The following RAB27B variants were observed in gnomAD, a reference collection of about 807,000 sequenced individuals.
RAB27B encodes the protein RAB27B, member RAS oncogene family, also known as ras-related protein Rab-27B.
Under a neutral mutation model 24.6 loss-of-function variants are expected in RAB27B, and 15 were observed. That is an observed-to-expected ratio of 0.61 (90% confidence interval 0.41 to 0.94). The LOEUF is 0.94. RAB27B is among the 40% of genes least tolerant of loss of function. The pLI, the probability that RAB27B is intolerant of heterozygous loss-of-function variation, is 0.00. For synonymous variants in RAB27B, 105 were observed against 92.5 expected (o/e 1.14, Z -0.78); for missense variants, 261 against 266.8 (o/e 0.98, Z 0.15).
In RAB27B at chr18:54,890,896, TA is replaced by T. The variant is rs2145301311; in HGVS notation, c.*1485del. On this transcript the variant is annotated 3_prime_UTR_variant, in exon 6 of 6. Transcript: ENST00000262094. ...TCTAAACTAACATTACATTAATTTT[TA>T]ATCTTAGTTTCTGATAAACACAAGC... The T allele has an allele frequency of 6.6e-6, 1 of 152,268 alleles. No homozygotes were observed. Among genetic ancestry groups the T allele is most frequent in the African/African-American group, 2.4e-5 (1 of 41,578 alleles). 9.4% of individuals were successfully genotyped at this position (152,268 alleles called of 1,614,324 possible).
intron 5 of RAB27B, 79 bp from the exon 6 acceptor site, chr18:54,889,143 ATG>A (rs1305953249): frequency 1.5e-6 from 2 of 1,309,050 alleles, no homozygotes; most frequent in African/African-American, 3.0e-5. Context: ...CCGTTTTTGC[ATG>A]TGTGATTCAC....
At chr18:54,803,235 G>A (rs1909665608) in intron 2 of RAB27B, among the ~76,000 whole-genome samples, 1 of 152,168 alleles carries the variant, frequency 6.6e-6, no homozygotes, top group Non-Finnish European at 1.5e-5. Flanking sequence ...TTTCAGATAA[G>A]GCAGTAGGAA....
rs377765582 is a variant in RAB27B, at chr18:54,743,385, G to A, written c.-20+25244G>A. Among the ~76,000 whole-genome samples the A allele has an allele frequency of 3.9e-5, 6 of 152,136 alleles. 1 individual carries two copies. In the East Asian group the frequency reaches 1.2e-3, roughly 29 times the overall value. On this transcript the variant is annotated intron_variant, in intron 2 of 4. Coordinates refer to the RAB27B transcript ENST00000586570. ...GAGTTCCTGTTATCTTGGAGCTCCA[G>A]ACAGTACAATGCAAATATGGAAATG...
intron 2 of RAB27B, among the ~76,000 whole-genome samples, chr18:54,740,939 G>A (rs1356221907): frequency 6.6e-6 from 1 of 152,132 alleles, no homozygotes; most frequent in Non-Finnish European, 1.5e-5. Context: ...GAAAACATAT[G>A]ACAAGACTAA....
chr18:54,826,799 T>C (rs1910491272), upstream of RAB27B, among the ~76,000 whole-genome samples: 1 of 152,204 alleles, frequency 6.6e-6, no homozygotes, highest in East Asian at 1.9e-4. Context: ...TTTCTCAACC[T>C]CAGTTACCTC....
chr18:54,881,038 C>T (rs1252901391), intron 3 of RAB27B, among the ~76,000 whole-genome samples: 3 of 152,104 alleles, frequency 2.0e-5, no homozygotes, highest in Admixed American at 2.0e-4. Context: ...ACACATGGCC[C>T]TTAAGGAAAC....
At position 54,728,903 on chromosome 18, in the gene RAB27B, C is replaced by CAAAA. The variant is rs58878407; in HGVS notation, c.-20+10779_-20+10782dup. Among the ~76,000 whole-genome samples the CAAAA allele has an allele frequency of 1.5e-3, 103 of 68,242 alleles. 1 individual carries two copies. Among genetic ancestry groups the CAAAA allele is most frequent in the East Asian group, 1.9e-3 (4 of 2,068 alleles). 44.8% of individuals were successfully genotyped at this position (68,242 alleles called of 152,430 possible). ...AAAAAAAAAAAAAAAAAAAAAAACC[C>CAAAA]AAAAAAAAAAAAAAAAAAAACCACC... On this transcript the variant is annotated intron_variant, in intron 2 of 4. Coordinates refer to the RAB27B transcript ENST00000586570.
intron 1 of RAB27B, among the ~76,000 whole-genome samples, chr18:54,873,685 C>CTGTGTGTG (rs56409312): frequency 0.017 from 2,455 of 140,802 alleles, 26 homozygotes; most frequent in Non-Finnish European, 0.025. Context: ...GAGCCAAATC[C>CTGTGTGTG]TGTGTGTGTG....
chr18:54,805,148 C>G (rs1254046696), intron 2 of RAB27B, among the ~76,000 whole-genome samples: 6 of 152,068 alleles, frequency 3.9e-5, no homozygotes, highest in Middle Eastern at 3.4e-3. Context: ...CTCAGCAAAG[C>G]CTTTCCAGGG....
intron 2 of RAB27B, among the ~76,000 whole-genome samples, chr18:54,720,753 G>A (rs189319484): frequency 6.6e-6 from 1 of 152,166 alleles, no homozygotes; most frequent in African/African-American, 2.4e-5. Context: ...GGGAGACAGT[G>A]TTTACTGAAT....
chr18:54,762,216 G>A (rs57351565), intron 2 of RAB27B, among the ~76,000 whole-genome samples: 8,252 of 152,236 alleles, frequency 0.054, 287 homozygotes, highest in South Asian at 0.085. Context: ...TTTAGATGGA[G>A]TCTTGCTCTG....
intron 2 of RAB27B, among the ~76,000 whole-genome samples, chr18:54,813,042 T>C (rs761746093): frequency 1.2e-4 from 19 of 152,334 alleles, no homozygotes; most frequent in Non-Finnish European, 2.4e-4. Context: ...CATAGAAATA[T>C]GCTAACACCT....
chr18:54,872,030 T>G (rs893953706), intron 1 of RAB27B, among the ~76,000 whole-genome samples: 2 of 152,072 alleles, frequency 1.3e-5, no homozygotes, highest in African/African-American at 4.8e-5. Context: ...ACTGTAGCAT[T>G]TGCCAAGCTC....
At chr18:54,888,992 T>C (rs1244728893) in intron 5 of RAB27B, among the ~76,000 whole-genome samples, 4 of 152,160 alleles carry the variant, frequency 2.6e-5, no homozygotes, top group Non-Finnish European at 5.9e-5. Context: ...TGACTACCTC[T>C]TGTGTCAATT....
chr18:54,884,279 T>C, intron 3 of RAB27B, 54 bp from the exon 4 acceptor site: 1 of 1,064,058 alleles, frequency 9.4e-7, no homozygotes, highest in Non-Finnish European at 1.5e-6. Flanking sequence ...TTTGTGTTGT[T>C]GTCAAAGATA....
intron 1 of RAB27B, among the ~76,000 whole-genome samples, chr18:54,846,001 T>A (rs138469669): frequency 6.6e-6 from 1 of 152,312 alleles, no homozygotes; most frequent in Non-Finnish European, 1.5e-5. Context: ...CATTCTTGTT[T>A]TAGCTCTCAT....
chr18:54,751,688 G>A (rs1389971301), intron 2 of RAB27B, among the ~76,000 whole-genome samples: 3 of 152,150 alleles, frequency 2.0e-5, no homozygotes, highest in Admixed American at 1.3e-4. Context: ...AATACACAAA[G>A]TATGACTGAC....
intron 2 of RAB27B, among the ~76,000 whole-genome samples, chr18:54,731,027 T>C (rs1031574347): frequency 1.3e-5 from 2 of 152,176 alleles, no homozygotes; most frequent in African/African-American, 4.8e-5. Flanking sequence ...ATTATTTAAT[T>C]TGGCAATAAG....
intron 2 of RAB27B, among the ~76,000 whole-genome samples, chr18:54,741,618 C>T (rs1293720628): frequency 6.6e-6 from 1 of 152,108 alleles, no homozygotes; most frequent in African/African-American, 2.4e-5. Context: ...CCCAGCCTCC[C>T]AAGTGGCTGG....
Sources: gnomAD v4.1 joint callset for allele counts (sites outside exome capture counted in the v4.1 genomes callset) on GRCh38, gnomAD v4.1.1 for gene constraint, MANE v1.5 for transcripts, NCBI Gene and HGNC (gene_info 2026-07-23, HGNC 2026-07-21) for gene names.